Variants in PDE9A observed in about 807,000 individuals in gnomAD.
PDE9A encodes phosphodiesterase 9A.
In PDE9A, 60 loss-of-function variants were observed where a neutral mutation model predicts 87.4. The ratio of observed to expected loss-of-function variants is 0.69; its 90% confidence interval spans 0.56 to 0.85. The LOEUF (loss-of-function observed/expected upper bound fraction) is 0.85, where lower values mean the gene tolerates loss of function less well. Ranked by LOEUF, PDE9A falls within the 40% of genes least tolerant of loss-of-function variation. The pLI is 0.00. For synonymous variants in PDE9A, 272 were observed against 279.4 expected (o/e 0.97, Z 0.27); for missense variants, 665 against 779.0 (o/e 0.85, Z 1.74).
chr21:42,703,595 A>G (rs1878070), intron 4 of PDE9A, among the ~76,000 whole-genome samples: 105,867 of 152,128 alleles, frequency 0.7, 38,432 homozygotes, highest in East Asian at 0.94. Context: ...TCACCTGGGG[A>G]CCCATCCAGG....
At position 42,727,772 on chromosome 21, in the gene PDE9A, T is replaced by G. The variant is rs1322181423; in HGVS notation, c.263-3998T>G. Among the ~76,000 whole-genome samples, 5 of 152,318 alleles carry G rather than the reference T, an allele frequency of 3.3e-5. No individual in the cohort carries two copies. In the East Asian group the frequency reaches 7.7e-4, roughly 23 times the overall value. ...CTTAGTTCTAGGAGGGTTGTGTTTT[T>G]TTGTTGTTGTTGTTTGTAGATTCAT... On this transcript the variant is annotated intron_variant, in intron 4 of 19. Transcript: ENST00000291539.
chr21:42,764,034 T>C (rs764109536), intron 14 of PDE9A, among the ~76,000 whole-genome samples: 9 of 152,184 alleles, frequency 5.9e-5, no homozygotes, highest in Admixed American at 2.0e-4. Context: ...CTGTGGTTCA[T>C]TGGGATGCTG....
chr21:42,774,138 TATAA>T (rs765129934), intron 19 of PDE9A, among the ~76,000 whole-genome samples: 29 of 152,034 alleles, frequency 1.9e-4, no homozygotes, highest in East Asian at 5.8e-4. Context: ...CTCAAAAAAA[TATAA>T]ATAAATAAAT....
intron 1 of PDE9A, among the ~76,000 whole-genome samples, chr21:42,655,972 T>A (rs557440618): frequency 6.6e-6 from 1 of 152,332 alleles, no homozygotes; most frequent in African/African-American, 2.4e-5. Flanking sequence ...CAAAGCATGA[T>A]AACTTCTCGC....
At chr21:42,769,775 C>G (rs1263533263) in intron 17 of PDE9A, among the ~76,000 whole-genome samples, 2 of 107,902 alleles carry the variant, frequency 1.9e-5, no homozygotes, top group Admixed American at 1.9e-4. Flanking sequence ...TGCACGCACA[C>G]AGGTACACAC....
At chr21:42,689,550 T>C in intron 3 of PDE9A, 1 of 985,474 alleles carries the variant, frequency 1.0e-6, no homozygotes, top group Non-Finnish European at 1.2e-6. Flanking sequence ...CAGCACCTTG[T>C]CCATGCCAGC....
rs909459956 is a variant in PDE9A, at chr21:42,760,871, T to A, written c.1049T>A (p.Ile350Asn). Reference protein sequence around the residue: ...TDILILMTAAICHDLDHPGYN... With the variant: ...TDILILMTAANCHDLDHPGYN... ...ATCCTGATCCTAATGACAGCGGCCATCTGCCACGATCTGGACCATCCCGGC... is the reference window on the plus strand; with the variant it reads ...ATCCTGATCCTAATGACAGCGGCCAACTGCCACGATCTGGACCATCCCGGC... Residue 350 changes from isoleucine (I) to asparagine (N), a missense_variant, in exon 13 of 20, where the codon ATC becomes AAC. Transcript: ENST00000291539. The surrounding 1 kb of genome is among the most constrained non-coding windows in gnomAD (Gnocchi z 5.2). 2.5e-6 allele frequency: 4 copies of A among 1,610,596 alleles called. No homozygotes were observed. In the African/African-American group the frequency reaches 5.3e-5, roughly 22 times the overall value.
chr21:42,750,237 G>T (rs1215161844), intron 8 of PDE9A, among the ~76,000 whole-genome samples: 1 of 152,212 alleles, frequency 6.6e-6, no homozygotes, highest in East Asian at 1.9e-4. Flanking sequence ...GAGGCAGAAG[G>T]ATCGTTTGAA....
intron 17 of PDE9A, 60 bp from the exon 18 acceptor site, chr21:42,770,643 C>T (rs963177227): frequency 8.1e-6 from 11 of 1,353,870 alleles, no homozygotes; most frequent in African/African-American, 1.4e-5. Context: ...TGTTTTTCTC[C>T]GACGTTTCCC....
intron 10 of PDE9A, among the ~76,000 whole-genome samples, chr21:42,755,430 C>T (rs2054924484): frequency 6.6e-6 from 1 of 152,210 alleles, no homozygotes; most frequent in East Asian, 1.9e-4. Flanking sequence ...CAGCAGGCGG[C>T]CAGTCCCAGG....
intron 15 of PDE9A, among the ~76,000 whole-genome samples, chr21:42,767,222 G>A (rs552062460): frequency 6.6e-5 from 10 of 152,240 alleles, no homozygotes; most frequent in Admixed American, 3.9e-4. Flanking sequence ...AGGATAGTGC[G>A]GGCCAGCGTG....
rs761008535 is a variant in PDE9A at position 42,660,423 on chromosome 21, G to T, written c.69+6540G>T. 8.5e-5 allele frequency among the ~76,000 whole-genome samples: 13 copies of T among 152,292 alleles called. No homozygotes were observed. Among genetic ancestry groups the T allele is most frequent in the South Asian group, 6.2e-4 (3 of 4,828 alleles). ...CTTGTGGAGGTTGAGACCAAGGCCA[G>T]TTGGGTGCTTGCATTTCCAGGGGTC... On this transcript the variant is annotated intron_variant, in intron 1 of 19. Transcript: ENST00000291539. This position sits in a 1 kb window ranked among gnomAD's most constrained non-coding sequence, Gnocchi z 4.7.
Position 42,769,065 on chromosome 21 carries a change from G to C in PDE9A, c.1500G>C (p.Pro500=), listed in dbSNP as rs374053390. 3 of 1,613,488 alleles carry C rather than the reference G, an allele frequency of 1.9e-6. No individual in the cohort carries two copies. The East Asian group carries it at 6.7e-5, about 36-fold the overall frequency. The change falls in exon 17 of 20, where the codon CCG becomes CCC. Residue 500 remains proline, a synonymous_variant. Transcript: ENST00000291539. ...AGTCAGAAGGCCTTCCTGTGGCACC[G>C]TTCATGGACCGAGACAAAGTGACCA... ...REKSEGLPVA[P]FMDRDKVTKA...
intron 15 of PDE9A, among the ~76,000 whole-genome samples, chr21:42,765,845 C>T (rs894585933): frequency 2.0e-5 from 3 of 152,218 alleles, no homozygotes; most frequent in African/African-American, 7.2e-5. Context: ...GAAAGCCCAC[C>T]TATGTGGGGG....
chr21:42,734,553 T>C (rs2052188968), intron 7 of PDE9A: 1 of 152,286 alleles, frequency 6.6e-6, no homozygotes, highest in African/African-American at 2.4e-5. Flanking sequence ...ATCTGGCTGA[T>C]TGACTGAATG....
intron 8 of PDE9A, among the ~76,000 whole-genome samples, chr21:42,744,307 C>T (rs7277073): frequency 0.38 from 57,022 of 151,866 alleles, 11,221 homozygotes; most frequent in South Asian, 0.47. Flanking sequence ...GAGCCGAGAT[C>T]GCGCCACTGC....
intron 4 of PDE9A, chr21:42,724,534 T>C (rs2269152): frequency 0.63 from 612,526 of 968,704 alleles, 197,148 homozygotes; most frequent in East Asian, 0.95. Context: ...TGCACACTGG[T>C]GGTTTTGCTT....
At position 42,763,066 on chromosome 21, in the gene PDE9A, G is replaced by A. The variant is rs1013452727; in HGVS notation, c.1242+827G>A. ...GGGAGGAGAGTGAGAGGATATCTGC[G>A]TGAGAGGAAGATGACCTGGTCCACC... On this transcript the variant is annotated intron_variant, in intron 14 of 19. Coordinates refer to ENST00000291539, the MANE Select transcript of PDE9A (RefSeq NM_002606.3). Among the ~76,000 whole-genome samples, 6 of 152,152 alleles carry A rather than the reference G, an allele frequency of 3.9e-5. No homozygotes were observed. The East Asian group carries it at 5.8e-4, about 15-fold the overall frequency.
Position 42,712,269 on chromosome 21 carries a change from G to A in PDE9A, c.262+13258G>A, listed in dbSNP as rs1035862453. ...TGTCTTCGGTTAACTTTACTCCAAA[G>A]TGTTTTCTGTTTTCTGGTTTTATTG... On this transcript the variant is annotated intron_variant, in intron 4 of 19. Coordinates refer to ENST00000291539, the MANE Select transcript of PDE9A (RefSeq NM_002606.3). 2.6e-5 allele frequency among the ~76,000 whole-genome samples: 4 copies of A among 152,120 alleles called. No homozygotes were observed. The East Asian group carries it at 7.7e-4, about 29-fold the overall frequency.
Sources: gnomAD v4.1 joint callset for allele counts (sites outside exome capture counted in the v4.1 genomes callset) on GRCh38, gnomAD v4.1.1 for gene constraint, Gnocchi (gnomAD v3.1) non-coding constraint, MANE v1.5 for transcripts, NCBI Gene and HGNC (gene_info 2026-07-23, HGNC 2026-07-21) for gene names.